HSD17B12: variants seen among roughly 807,000 people sequenced by gnomAD.
HSD17B12 encodes hydroxysteroid 17-beta dehydrogenase 12.
Under a neutral mutation model 39.3 loss-of-function variants are expected in HSD17B12, and 32 were observed. The ratio of observed to expected loss-of-function variants is 0.81; its 90% CI spans 0.61 to 1.09. The LOEUF (loss-of-function observed/expected upper bound fraction) is 1.09, where lower values mean the gene tolerates loss of function less well. Ranked by LOEUF, HSD17B12 falls within the 50% of genes least tolerant of loss-of-function variation. The probability of loss-of-function intolerance (pLI) is 0.00; values close to 1 mark genes in which losing one functional copy is unlikely to be tolerated. For synonymous variants in HSD17B12, 150 were observed against 146.7 expected (o/e 1.02, Z -0.16); for missense variants, 342 against 382.9 (o/e 0.89, Z 0.89).
intron 6 of HSD17B12, among the ~76,000 whole-genome samples, chr11:43,824,899 G>A (rs1380787332): frequency 6.6e-6 from 1 of 152,216 alleles, no homozygotes; most frequent in East Asian, 1.9e-4. Flanking sequence ...AGGAGGCTGA[G>A]GCAGGAGGAT....
intron 3 of HSD17B12, among the ~76,000 whole-genome samples, chr11:43,765,865 A>T: frequency 6.6e-6 from 1 of 150,864 alleles, no homozygotes; most frequent in Non-Finnish European, 1.5e-5. Context: ...ACGGAGTCTC[A>T]CTCTTTTGCC....
At chr11:43,804,733 G>A (rs1951002748) in intron 4 of HSD17B12, among the ~76,000 whole-genome samples, 1 of 152,180 alleles carries the variant, frequency 6.6e-6, no homozygotes, top group Non-Finnish European at 1.5e-5. Flanking sequence ...TTCTAGGATA[G>A]AGAATAGTTG....
intron 4 of HSD17B12, among the ~76,000 whole-genome samples, chr11:43,812,962 C>T (rs1456571442): frequency 6.6e-6 from 1 of 152,134 alleles, no homozygotes; most frequent in East Asian, 1.9e-4. Context: ...CTACCTCAGC[C>T]TCCCGAGTAG....
At chr11:43,589,720 T>C in the HSD17B12 span, among the ~76,000 whole-genome samples, 3 of 152,276 alleles carry the variant, frequency 2.0e-5, no homozygotes, top group South Asian at 6.2e-4. Flanking sequence ...CTTTTAGCTG[T>C]TTAAGGCAAG....
At chr11:43,656,782 C>A in the HSD17B12 span, among the ~76,000 whole-genome samples, 1 of 152,156 alleles carries the variant, frequency 6.6e-6, no homozygotes, top group African/African-American at 2.4e-5. Flanking sequence ...GTTATAATTT[C>A]TGTTCTTTTA....
At chr11:43,630,470 C>T in the HSD17B12 span, among the ~76,000 whole-genome samples, 1 of 152,100 alleles carries the variant, frequency 6.6e-6, no homozygotes, top group Non-Finnish European at 1.5e-5. Context: ...GCTACTCATG[C>T]CTCTGACTTT....
At chr11:43,814,885 A>C (rs1951106692) in intron 4 of HSD17B12, among the ~76,000 whole-genome samples, 1 of 152,128 alleles carries the variant, frequency 6.6e-6, no homozygotes, top group Admixed American at 6.5e-5. Context: ...CCACTTTTTA[A>C]AGTTCCTAGC....
intron 6 of HSD17B12, among the ~76,000 whole-genome samples, chr11:43,817,238 A>G (rs574641302): frequency 6.6e-6 from 1 of 151,958 alleles, no homozygotes; most frequent in South Asian, 2.1e-4. Flanking sequence ...TAGATTCTGG[A>G]TATTAGTCCT....
At chr11:43,679,873 G>A (rs1307338497), upstream of HSD17B12, among the ~76,000 whole-genome samples, 1 of 152,122 alleles carries the variant, frequency 6.6e-6, no homozygotes, top group Non-Finnish European at 1.5e-5. Context: ...ATGAGTGAGT[G>A]TAACCCGGGC....
intron 1 of HSD17B12, among the ~76,000 whole-genome samples, chr11:43,714,950 C>T (rs1950107103): frequency 6.6e-6 from 1 of 152,082 alleles, no homozygotes; most frequent in African/African-American, 2.4e-5. Context: ...TATAAGAATG[C>T]TTGTGATTTT....
At chr11:43,698,763 T>C (rs1949936022) in intron 1 of HSD17B12, among the ~76,000 whole-genome samples, 1 of 152,234 alleles carries the variant, frequency 6.6e-6, no homozygotes, top group African/African-American at 2.4e-5. Flanking sequence ...TTTTCCCCTC[T>C]TCACCTTTCA....
intron 1 of HSD17B12, among the ~76,000 whole-genome samples, chr11:43,688,211 CAAA>C (rs576898419): frequency 7.2e-6 from 1 of 139,348 alleles, no homozygotes. Flanking sequence ...CACTCTGTCT[CAAA>C]AAAAAAAAAA....
the HSD17B12 span, among the ~76,000 whole-genome samples, chr11:43,672,783 C>T: frequency 6.6e-6 from 1 of 152,046 alleles, no homozygotes; most frequent in African/African-American, 2.4e-5. Flanking sequence ...TCAGGTGATC[C>T]GCCTGCCTCG....
At chr11:43,659,446 C>T in the HSD17B12 span, among the ~76,000 whole-genome samples, 1 of 152,202 alleles carries the variant, frequency 6.6e-6, no homozygotes, top group African/African-American at 2.4e-5. Context: ...ACCGGTACCT[C>T]AGTTGGAAAT....
At chr11:43,787,051 C>G (rs935392703) in intron 3 of HSD17B12, among the ~76,000 whole-genome samples, 1 of 152,132 alleles carries the variant, frequency 6.6e-6, no homozygotes, top group Non-Finnish European at 1.5e-5. Flanking sequence ...AAGTGATTCT[C>G]ATGCCTCAAC....
the HSD17B12 span, among the ~76,000 whole-genome samples, chr11:43,598,795 C>A: frequency 6.6e-6 from 1 of 152,176 alleles, no homozygotes; most frequent in African/African-American, 2.4e-5. Flanking sequence ...AAGACTCAGT[C>A]AGACCTCAGG....
At chr11:43,729,842 T>C (rs778689999) in intron 1 of HSD17B12, among the ~76,000 whole-genome samples, 1 of 152,222 alleles carries the variant, frequency 6.6e-6, no homozygotes, top group Non-Finnish European at 1.5e-5. Flanking sequence ...ATAAAAGTCA[T>C]AGAGACTAGC....
chr11:43,680,461 T>C (rs1341722366), upstream of HSD17B12: 2 of 301,912 alleles, frequency 6.6e-6, no homozygotes, highest in Non-Finnish European at 1.3e-5. Context: ...CCAGCCTGGG[T>C]CTGACCGGCC....
In HSD17B12 at chr11:43,690,386, A is replaced by ATT. The variant is rs1565049669; in HGVS notation, c.160+9400_160+9401insTT. 2.1e-3 allele frequency among the ~76,000 whole-genome samples: 22 copies of ATT among 10,306 alleles called. 2 individuals carry two copies. Among genetic ancestry groups the ATT allele is most frequent in the Middle Eastern group, 0.028 (1 of 36 alleles). 6.8% of individuals were successfully genotyped at this position (10,306 alleles called of 152,430 possible). A position where few individuals can be genotyped will look rare whatever the true frequency, so the allele number is the denominator to read the frequency against. On this transcript the variant is annotated intron_variant, in intron 1 of 10. Transcript: ENST00000278353. Reference sequence around the variant, plus strand: ...CATATATATATATATATATATATATATATATATATATATATATATTTTTTT... The same window carrying ATT: ...CATATATATATATATATATATATATATTTATATATATATATATATATTTTTTT...
Sources: allele counts gnomAD v4.1 joint callset (sites outside exome capture counted in the v4.1 genomes callset), GRCh38; gene constraint gnomAD v4.1.1; transcripts MANE v1.5; gene names NCBI Gene and HGNC (gene_info 2026-07-23, HGNC 2026-07-21).